The following NAV3 variants were observed in gnomAD, a reference collection of about 807,000 sequenced individuals.
NAV3 encodes neuron navigator 3.
In NAV3, 87 loss-of-function variants were observed where a neutral mutation model predicts 244.7. The ratio of observed to expected loss-of-function variants is 0.36; its 90% CI spans 0.30 to 0.42. NAV3 has a LOEUF of 0.42. Ranked by LOEUF, NAV3 falls within the 20% of genes least tolerant of loss-of-function variation. The pLI, the probability that NAV3 is intolerant of heterozygous loss-of-function variation, is 1.00. For synonymous variants in NAV3, 1,126 were observed against 1,042.2 expected (o/e 1.08, Z -1.55); for missense variants, 2,663 against 2,893.3 (o/e 0.92, Z 1.83).
intron 2 of NAV3, among the ~76,000 whole-genome samples, chr12:77,607,962 G>A (rs945385058): frequency 6.6e-6 from 1 of 152,076 alleles, no homozygotes; most frequent in Non-Finnish European, 1.5e-5. Flanking sequence ...TTGTACAAAG[G>A]TGGTTGAACT....
intron 12 of NAV3, among the ~76,000 whole-genome samples, chr12:78,095,612 G>T (rs1954209055): frequency 6.6e-6 from 1 of 152,184 alleles, no homozygotes; most frequent in African/African-American, 2.4e-5. Context: ...CCAGTTAGGA[G>T]AGTACAGCAA....
At chr12:78,075,837 G>A (rs908084217) in intron 12 of NAV3, among the ~76,000 whole-genome samples, 6 of 152,078 alleles carry the variant, frequency 3.9e-5, no homozygotes, top group Admixed American at 3.9e-4. Context: ...TGAAATGTGA[G>A]GCCCTCCTCT....
chr12:78,162,811 G>A (rs1211538770), intron 23 of NAV3, among the ~76,000 whole-genome samples: 7 of 147,300 alleles, frequency 4.8e-5, no homozygotes, highest in Admixed American at 3.5e-4. Flanking sequence ...GCAGTAAGCC[G>A]AGGTCATGCC....
At chr12:77,611,920 A>C (rs1003190462) in intron 2 of NAV3, among the ~76,000 whole-genome samples, 2 of 151,968 alleles carry the variant, frequency 1.3e-5, no homozygotes, top group African/African-American at 4.8e-5. Flanking sequence ...GTTTGCTACT[A>C]TTCATTGCTT....
chr12:78,201,847 A>G (rs921045761), intron 38 of NAV3, among the ~76,000 whole-genome samples: 1 of 151,830 alleles, frequency 6.6e-6, no homozygotes, highest in East Asian at 1.9e-4. Flanking sequence ...TTATTTTGCT[A>G]TCTAAAAAAA....
rs574637447 is a variant in NAV3 at position 78,128,697 on chromosome 12, G to T, written c.4281-9G>T. The T allele has an allele frequency of 6.2e-7, 1 of 1,612,734 alleles. No individual in the cohort carries two copies. The highest frequency in any genetic ancestry group is 1.3e-5 in the African/African-American group (1 of 74,974). On this transcript the variant is annotated splice_polypyrimidine_tract_variant and intron_variant, in intron 17 of 39. Coordinates refer to ENST00000397909, the MANE Select transcript of NAV3 (RefSeq NM_001024383.2). ...TGTGCTTAAGTGTCATAGCTGTGCT[G>T]TTTTGCAGATATACCCCATCATCTC...
intron 16 of NAV3, among the ~76,000 whole-genome samples, chr12:78,123,338 T>A (rs923669755): frequency 7.8e-6 from 1 of 127,654 alleles, no homozygotes; most frequent in African/African-American, 2.8e-5. Flanking sequence ...TCCCCTGTTT[T>A]TTTTATTTTT....
intron 9 of NAV3, among the ~76,000 whole-genome samples, chr12:78,043,217 G>T (rs1283436160): frequency 3.9e-5 from 6 of 151,938 alleles, no homozygotes; most frequent in African/African-American, 7.2e-5. Flanking sequence ...AGTTTGCAGA[G>T]AATGGTTTCT....
intron 1 of NAV3, among the ~76,000 whole-genome samples, chr12:77,901,308 T>C (rs1477732231): frequency 6.6e-6 from 1 of 152,220 alleles, no homozygotes; most frequent in Admixed American, 6.5e-5. Flanking sequence ...AAGGCCAATA[T>C]CAAAAACTGT....
intron 5 of NAV3, among the ~76,000 whole-genome samples, chr12:77,971,573 T>A (rs1263992292): frequency 1.3e-5 from 2 of 152,130 alleles, no homozygotes; most frequent in African/African-American, 4.8e-5. Flanking sequence ...AAGGCCACAA[T>A]GATAATATAC....
intron 2 of NAV3, among the ~76,000 whole-genome samples, chr12:77,742,656 G>A (rs1868359592): frequency 6.6e-6 from 1 of 152,058 alleles, no homozygotes; most frequent in African/African-American, 2.4e-5. Context: ...AACACAAATT[G>A]TACATGGCAC....
Position 77,638,778 on chromosome 12 carries a change from C to T in NAV3, c.72+66512C>T, listed in dbSNP as rs147743922. ...CACCATAGTGATACTGCATTGTCTG[C>T]CATGGCCAGGTCATAGATATATCAT... On this transcript the variant is annotated intron_variant, in intron 2 of 8. Coordinates refer to the NAV3 transcript ENST00000550042. 1.4e-3 allele frequency among the ~76,000 whole-genome samples: 208 copies of T among 152,250 alleles called. 1 individual carries two copies. Among genetic ancestry groups the T allele is most frequent in the African/African-American group, 4.6e-3 (192 of 41,554 alleles).
At chr12:77,638,419 A>T (rs1280381955) in intron 2 of NAV3, among the ~76,000 whole-genome samples, 1 of 152,186 alleles carries the variant, frequency 6.6e-6, no homozygotes, top group Non-Finnish European at 1.5e-5. Flanking sequence ...CTACTTTCTC[A>T]TACCTGTTCT....
intron 21 of NAV3, among the ~76,000 whole-genome samples, chr12:78,147,474 TATTTA>T (rs2139202480): frequency 6.6e-6 from 1 of 152,206 alleles, no homozygotes; most frequent in African/African-American, 2.4e-5. Context: ...TAATAGAGAC[TATTTA>T]ATTTGAGAAA....
rs200444442 is a variant in NAV3, at chr12:78,205,314, T to G, written c.7038+176T>G. ...GAAAATCTTAAAGTGAAAACCAAAC[T>G]TGTATGCTTAAAAAGAAATCAAGAA... On this transcript the variant is annotated intron_variant, in intron 39 of 39. Transcript: ENST00000397909. 1.9e-4 allele frequency among the ~76,000 whole-genome samples: 29 copies of G among 152,260 alleles called. 1 individual carries two copies. In the East Asian group the frequency reaches 5.4e-3, roughly 28 times the overall value.
At chr12:77,840,503 A>G (rs1875454277) in intron 1 of NAV3, among the ~76,000 whole-genome samples, 1 of 152,208 alleles carries the variant, frequency 6.6e-6, no homozygotes, top group African/African-American at 2.4e-5. Flanking sequence ...AGAGGGACAA[A>G]TCTAGTAAAA....
At chr12:77,911,507 C>G (rs1781211708) in intron 1 of NAV3, among the ~76,000 whole-genome samples, 1 of 152,080 alleles carries the variant, frequency 6.6e-6, no homozygotes, top group Admixed American at 6.6e-5. Context: ...ATGCAAGAAT[C>G]AGAATTGCAT....
chr12:77,841,361 C>G (rs1463363236), intron 1 of NAV3, among the ~76,000 whole-genome samples: 3 of 152,110 alleles, frequency 2.0e-5, no homozygotes. Context: ...AACTGAAAAC[C>G]TGGAGTGGGC....
chr12:77,596,780 G>A (rs1870188004), intron 2 of NAV3, among the ~76,000 whole-genome samples: 1 of 152,080 alleles, frequency 6.6e-6, no homozygotes, highest in Admixed American at 6.6e-5. Flanking sequence ...AGTGGGCTTG[G>A]GTGACTTTTT....
Sources: allele counts gnomAD v4.1 joint callset (sites outside exome capture counted in the v4.1 genomes callset), GRCh38; gene constraint gnomAD v4.1.1; transcripts MANE v1.5; gene names NCBI Gene and HGNC (gene_info 2026-07-23, HGNC 2026-07-21).